The following CNTLN variants were observed in gnomAD, a reference collection of about 807,000 sequenced individuals.
The protein encoded by CNTLN is centlein, also known as centlein, centrosomal protein.
Under a neutral mutation model 180.0 loss-of-function variants are expected in CNTLN, and 212 were observed. That is an observed-to-expected ratio of 1.18 (90% CI 1.05 to 1.32). CNTLN has a LOEUF of 1.32. Among genes scored for constraint, CNTLN ranks in the 40% most tolerant of loss-of-function variants. The pLI is 0.00. For synonymous variants in CNTLN, 722 were observed against 563.1 expected, an observed-to-expected ratio of 1.28 and a Z score of -3.99; for missense variants, 2,095 against 1,610.9, an observed-to-expected ratio of 1.30 and a Z score of -5.14.
chr9:17,302,202 CT>C lies in CNTLN; in HGVS notation c.1146+3864del, dbSNP rs57095710. ...CATCATATTAACCATATGCAATTCA[CT>C]TTTTTTTTTTTTTGACAGTGTCTCA... On this transcript the variant is annotated intron_variant, in intron 7 of 25. Transcript: ENST00000380647. Among the ~76,000 whole-genome samples the C allele has an allele frequency of 5.3e-3, 754 of 143,252 alleles. 1 individual carries two copies. The highest frequency in any genetic ancestry group is 9.0e-3 in the African/African-American group (352 of 38,900). 94.0% of individuals were successfully genotyped at this position (143,252 alleles called of 152,430 possible).
At chr9:17,527,999 G>T in the CNTLN span, among the ~76,000 whole-genome samples, 178 of 152,064 alleles carry the variant, frequency 1.2e-3, no homozygotes, top group African/African-American at 4.2e-3. Flanking sequence ...AGTCCATACT[G>T]ACACAAATAA....
At chr9:17,308,003 C>CACAT (rs1818847585) in intron 7 of CNTLN, among the ~76,000 whole-genome samples, 1 of 151,516 alleles carries the variant, frequency 6.6e-6, no homozygotes, top group Admixed American at 6.6e-5. Flanking sequence ...CACACACACA[C>CACAT]ACACACACAC....
intron 23 of CNTLN, among the ~76,000 whole-genome samples, chr9:17,473,443 C>T (rs531620415): frequency 3.3e-5 from 5 of 152,182 alleles, no homozygotes; most frequent in East Asian, 3.9e-4. Context: ...TCTGCATGCC[C>T]GTCTAGAGCT....
chr9:17,253,720 A>C (rs1359679480), intron 5 of CNTLN, among the ~76,000 whole-genome samples: 4 of 149,838 alleles, frequency 2.7e-5, no homozygotes, highest in Non-Finnish European at 5.9e-5. Flanking sequence ...AAAGAGGGAC[A>C]GTTTGACTTT....
chr9:17,301,156 A>G (rs916822928), intron 7 of CNTLN: 7 of 985,224 alleles, frequency 7.1e-6, no homozygotes, highest in Non-Finnish European at 7.2e-6. Context: ...ATTTCTGATA[A>G]CTTTTCCAAA....
At chr9:17,509,197 G>T in the CNTLN span, among the ~76,000 whole-genome samples, 2 of 152,320 alleles carry the variant, frequency 1.3e-5, no homozygotes, top group East Asian at 3.9e-4. Flanking sequence ...GGCCACTACT[G>T]AGTGCCCAAT....
intron 18 of CNTLN, among the ~76,000 whole-genome samples, chr9:17,429,616 T>A (rs920207052): frequency 6.6e-6 from 1 of 152,014 alleles, no homozygotes; most frequent in African/African-American, 2.4e-5. Context: ...CATGAGTTAA[T>A]TGGATAAGAA....
chr9:17,149,146 C>T (rs1034886645), intron 2 of CNTLN, among the ~76,000 whole-genome samples: 2 of 152,178 alleles, frequency 1.3e-5, no homozygotes, highest in African/African-American at 2.4e-5. Flanking sequence ...AGGACATAAA[C>T]TCATCCTTTT....
Position 17,388,312 on chromosome 9 carries a change from G to A in CNTLN, c.2079+59G>A. 6.3e-6 allele frequency: 7 copies of A among 1,115,986 alleles called. No homozygotes were observed. The South Asian group carries it at 1.0e-4, about 16-fold the overall frequency. 69.1% of individuals were successfully genotyped at this position (1,115,986 alleles called of 1,614,324 possible). A position where few individuals can be genotyped will look rare whatever the true frequency, so the allele number is the denominator to read the frequency against. On this transcript the variant is annotated intron_variant, in intron 14 of 25. Transcript: ENST00000380647. ...GTTAAATCTGAATTTTAACATAAAG[G>A]ATTATATTTTAAAACGAGGGCTTGT...
At chr9:17,254,631 A>G (rs1206652177) in intron 5 of CNTLN, among the ~76,000 whole-genome samples, 1 of 151,548 alleles carries the variant, frequency 6.6e-6, no homozygotes, top group Non-Finnish European at 1.5e-5. Flanking sequence ...GATTATTTCT[A>G]GGCTATTTTT....
At chr9:17,488,855 A>T (rs770602826) in intron 25 of CNTLN, among the ~76,000 whole-genome samples, 1 of 152,136 alleles carries the variant, frequency 6.6e-6, no homozygotes, top group Non-Finnish European at 1.5e-5. Flanking sequence ...GGTAAATTTA[A>T]TGGAGCAGCC....
At chr9:17,270,947 C>CTT (rs78896738) in intron 5 of CNTLN, among the ~76,000 whole-genome samples, 1,569 of 121,944 alleles carry the variant, frequency 0.013, 87 homozygotes, top group African/African-American at 0.047. Context: ...GAGAGGAGTT[C>CTT]TTTTTTTTTT....
At chr9:17,160,136 C>T (rs80032034) in intron 2 of CNTLN, among the ~76,000 whole-genome samples, 13,997 of 152,156 alleles carry the variant, frequency 0.092, 691 homozygotes, top group South Asian at 0.14. Flanking sequence ...CATTCCTGGC[C>T]ATCATATTGT....
chr9:17,521,438 G>C, the CNTLN span, among the ~76,000 whole-genome samples: 38 of 152,320 alleles, frequency 2.5e-4, no homozygotes, highest in Middle Eastern at 0.02. Context: ...TTCTAGAAAA[G>C]GACGACTAGC....
At chr9:17,341,205 A>G (rs1246642059) in intron 11 of CNTLN, among the ~76,000 whole-genome samples, 1 of 152,174 alleles carries the variant, frequency 6.6e-6, no homozygotes, top group East Asian at 1.9e-4. Context: ...TTTAATATCA[A>G]TGGAATAACT....
At chr9:17,443,060 C>G (rs1351827645) in intron 18 of CNTLN, among the ~76,000 whole-genome samples, 2 of 151,592 alleles carry the variant, frequency 1.3e-5, no homozygotes, top group Admixed American at 1.3e-4. Flanking sequence ...CTGAACTAGC[C>G]ATCATACTTA....
intron 2 of CNTLN, among the ~76,000 whole-genome samples, chr9:17,207,898 T>C (rs1317079144): frequency 2.0e-5 from 3 of 152,180 alleles, no homozygotes; most frequent in African/African-American, 7.2e-5. Context: ...TATAAGATGA[T>C]ATTTTCTCCA....
Position 17,330,626 on chromosome 9 carries a change from A to T in CNTLN, c.1342-6A>T. ...TATCTATTTACAATTATACTTTTTA[A>T]AATAGGTACCTCATCGCCCATCCTT... is the stretch of plus-strand genomic sequence containing the variant. On this transcript the variant is annotated splice_polypyrimidine_tract_variant and splice_region_variant and intron_variant, in intron 8 of 25. Coordinates refer to ENST00000380647, the MANE Select transcript of CNTLN (RefSeq NM_017738.4). The T allele has an allele frequency of 6.6e-7, 1 of 1,524,586 alleles. No individual in the cohort carries two copies. The highest frequency in any genetic ancestry group is 8.8e-7 in the Non-Finnish European group (1 of 1,130,328). The allele number at this position is 1,524,586 out of a possible 1,614,324, so 94.4% of individuals were successfully genotyped here.
chr9:17,484,544 T>G (rs1258589380), intron 24 of CNTLN, 64 bp downstream of exon 24: 1 of 1,264,640 alleles, frequency 7.9e-7, no homozygotes, highest in Non-Finnish European at 1.1e-6. Flanking sequence ...GTAGATATTT[T>G]TATTTGTTTT....
Sources: gnomAD v4.1 joint callset for allele counts (sites outside exome capture counted in the v4.1 genomes callset) on GRCh38, gnomAD v4.1.1 for gene constraint, MANE v1.5 for transcripts, NCBI Gene and HGNC (gene_info 2026-07-23, HGNC 2026-07-21) for gene names.